The following SASH1 variants were observed in gnomAD, a reference collection of about 807,000 sequenced individuals.
SASH1 encodes the protein SAM and SH3 domain containing 1.
A neutral mutation model predicts 125.2 loss-of-function variants in SASH1; 44 were observed. The ratio of observed to expected loss-of-function variants is 0.35; its 90% CI spans 0.28 to 0.45. SASH1 has a LOEUF of 0.45. SASH1 is among the 20% of genes least tolerant of loss of function. The probability of loss-of-function intolerance (pLI) is 1.00; values close to 1 mark genes in which losing one functional copy is unlikely to be tolerated. For missense variants in SASH1, 1,426 were observed against 1,614.5 expected (o/e 0.88, Z 2.00); for synonymous variants, 639 against 649.1 (o/e 0.98, Z 0.24).
At chr6:148,279,811 A>AC (rs1779286317) in intron 1 of SASH1, among the ~76,000 whole-genome samples, 1 of 151,716 alleles carries the variant, frequency 6.6e-6, no homozygotes, top group Non-Finnish European at 1.5e-5. Flanking sequence ...ACATGATGAA[A>AC]CCCCGTCTCT....
chr6:148,498,229 AC>A (rs1447822496), intron 8 of SASH1, among the ~76,000 whole-genome samples: 56 of 64,546 alleles, frequency 8.7e-4, no homozygotes, highest in African/African-American at 2.6e-3. Context: ...ACAAAAACAA[AC>A]AAACAAAAAA....
intron 10 of SASH1, among the ~76,000 whole-genome samples, chr6:148,522,082 C>T (rs914290429): frequency 2.6e-5 from 4 of 152,206 alleles, no homozygotes; most frequent in African/African-American, 9.6e-5. Context: ...TTTGGGCAAG[C>T]TCATCTCCAG....
intron 15 of SASH1, 33 bp downstream of exon 15, chr6:148,534,013 T>A: frequency 6.3e-7 from 1 of 1,592,456 alleles, no homozygotes; most frequent in Non-Finnish European, 8.6e-7. Context: ...CACACGCTAC[T>A]ACCTCACTGC....
intron 1 of SASH1, among the ~76,000 whole-genome samples, chr6:148,323,438 A>G (rs1418121559): frequency 1.3e-5 from 2 of 152,142 alleles, no homozygotes; most frequent in Non-Finnish European, 2.9e-5. Context: ...TAATGTGTAC[A>G]CTCATTTGAT....
intron 1 of SASH1, among the ~76,000 whole-genome samples, chr6:148,300,837 C>G (rs1779921499): frequency 6.6e-6 from 1 of 152,120 alleles, no homozygotes; most frequent in Non-Finnish European, 1.5e-5. Flanking sequence ...CATGAAGCCA[C>G]AGTTTCAAAA....
intron 4 of SASH1, among the ~76,000 whole-genome samples, chr6:148,450,076 G>A (rs1157304760): frequency 6.6e-6 from 1 of 152,140 alleles, no homozygotes; most frequent in Non-Finnish European, 1.5e-5. Context: ...TTTCAGTGGG[G>A]ACAGAAAGAC....
chr6:148,452,040 T>C (rs372997108), intron 4 of SASH1, among the ~76,000 whole-genome samples: 1 of 152,156 alleles, frequency 6.6e-6, no homozygotes, highest in South Asian at 2.1e-4. Flanking sequence ...CGGAGGTGGA[T>C]GTGTCCTTCT....
chr6:148,533,888 G>A lies in SASH1; in HGVS notation c.1852G>A (p.Glu618Lys), dbSNP rs781682459. 2 of 1,614,070 alleles carry A rather than the reference G, an allele frequency of 1.2e-6. No individual in the cohort carries two copies. The highest frequency in any genetic ancestry group is 1.7e-5 in the Admixed American group (1 of 60,026). The change falls in exon 15 of 20, where the codon GAG becomes AAG. Residue 618 changes from glutamate (E) to lysine (K), a missense_variant. By Grantham distance (56) the Glu-to-Lys change is moderately conservative (BLOSUM62 1). Coordinates refer to ENST00000367467, the MANE Select transcript of SASH1 (RefSeq NM_015278.5). This position sits in a 1 kb window ranked among gnomAD's most constrained non-coding sequence, Gnocchi z 6.2. ...CGTGGACGTGCTCAGTGAAGACGAG[G>A]AGAAACCCAAACGCCCCACCAGGAG... Reference protein sequence around the residue: ...IYVDVLSEDEEKPKRPTRRRR... With the variant: ...IYVDVLSEDEKKPKRPTRRRR...
the SASH1 span, among the ~76,000 whole-genome samples, chr6:148,263,292 T>G: frequency 1.3e-5 from 2 of 152,182 alleles, no homozygotes; most frequent in African/African-American, 4.8e-5. Flanking sequence ...GAGCCCATCC[T>G]TGCATTCTTA....
intron 8 of SASH1, among the ~76,000 whole-genome samples, chr6:148,505,689 G>A (rs529653986): frequency 4.0e-5 from 6 of 150,498 alleles, no homozygotes; most frequent in South Asian, 2.1e-4. Context: ...TCACCCAGGC[G>A]TGCAGTGGCA....
intron 2 of SASH1, among the ~76,000 whole-genome samples, chr6:148,411,326 G>C (rs769441185): frequency 3.3e-5 from 5 of 151,962 alleles, no homozygotes; most frequent in Admixed American, 1.3e-4. Context: ...GGGACCAAGA[G>C]AAATACAATA....
chr6:148,359,053 A>G (rs1436323125), intron 1 of SASH1, among the ~76,000 whole-genome samples: 2 of 151,654 alleles, frequency 1.3e-5, no homozygotes, highest in Non-Finnish European at 2.9e-5. Context: ...ATGTTTAAAC[A>G]TCTGTGGTCC....
At chr6:148,461,921 A>G (rs1034610912) in intron 4 of SASH1, among the ~76,000 whole-genome samples, 1 of 152,230 alleles carries the variant, frequency 6.6e-6, no homozygotes, top group Non-Finnish European at 1.5e-5. Context: ...TAAGTAGGAC[A>G]TAAAGAAAAT....
chr6:148,504,424 G>A (rs1779685033), intron 8 of SASH1, among the ~76,000 whole-genome samples: 1 of 152,112 alleles, frequency 6.6e-6, no homozygotes, highest in Non-Finnish European at 1.5e-5. Flanking sequence ...GAGCTAATGA[G>A]GACCAATTCC....
chr6:148,542,008 T>G (rs77188278), intron 17 of SASH1, among the ~76,000 whole-genome samples: 5,569 of 152,304 alleles, frequency 0.037, 132 homozygotes, highest in Non-Finnish European at 0.052. Context: ...AGAATTTTTT[T>G]TTCTCTTAAT....
In SASH1 at chr6:148,453,443, A is replaced by G. The variant is rs573308781; in HGVS notation, c.386+13036A>G. Among the ~76,000 whole-genome samples, 5 of 152,266 alleles carry G rather than the reference A, an allele frequency of 3.3e-5. No individual in the cohort carries two copies. In the East Asian group the frequency reaches 9.7e-4, roughly 29 times the overall value. ...TCTTATTAATTCTCCTACCAAATCT[A>G]TAATGCAGATGGTATTCTACAGTTA... is the stretch of plus-strand genomic sequence containing the variant. On this transcript the variant is annotated intron_variant, in intron 4 of 19. Transcript: ENST00000367467.
intron 1 of SASH1, among the ~76,000 whole-genome samples, chr6:148,312,857 G>C (rs919349966): frequency 5.9e-5 from 9 of 152,128 alleles, no homozygotes; most frequent in Non-Finnish European, 1.3e-4. Flanking sequence ...GGAGAAGGAG[G>C]AGGAGAAGGA....
chr6:148,233,714 G>A, the SASH1 span, among the ~76,000 whole-genome samples: 3 of 122,678 alleles, frequency 2.4e-5, no homozygotes, highest in Non-Finnish European at 4.9e-5. Flanking sequence ...AGGCAACACA[G>A]GGAGCTATGA....
intron 4 of SASH1, among the ~76,000 whole-genome samples, chr6:148,465,614 C>T (rs1777798468): frequency 6.6e-6 from 1 of 152,048 alleles, no homozygotes; most frequent in African/African-American, 2.4e-5. Flanking sequence ...ATGGGGCTCC[C>T]TGTCCCTCTG....
Sources: gnomAD v4.1 joint callset for allele counts (sites outside exome capture counted in the v4.1 genomes callset) on GRCh38, gnomAD v4.1.1 for gene constraint, Gnocchi (gnomAD v3.1) non-coding constraint, MANE v1.5 for transcripts, NCBI Gene and HGNC (gene_info 2026-07-23, HGNC 2026-07-21) for gene names.